The following DPP10 variants were observed in gnomAD, a reference collection of about 807,000 sequenced individuals.
DPP10 encodes dipeptidyl peptidase like 10.
A neutral mutation model predicts 120.9 loss-of-function variants in DPP10; 33 were observed. The ratio of observed to expected loss-of-function variants is 0.27; its 90% CI spans 0.21 to 0.37. The LOEUF is 0.37. DPP10 is among the 10% of genes least tolerant of loss of function. DPP10 has a pLI of 1.00. For missense variants in DPP10, 816 were observed against 942.8 expected, an observed-to-expected ratio of 0.87 and a Z score of 1.76; for synonymous variants, 337 against 326.1, an observed-to-expected ratio of 1.03 and a Z score of -0.36.
intron 3 of DPP10, among the ~76,000 whole-genome samples, chr2:115,378,956 C>G (rs973186953): frequency 2.3e-4 from 35 of 152,222 alleles, no homozygotes; most frequent in South Asian, 2.1e-3. Flanking sequence ...TGGTTTGCCA[C>G]TATTTTATTG....
intron 1 of DPP10, among the ~76,000 whole-genome samples, chr2:114,924,195 A>G (rs1050255217): frequency 1.5e-4 from 23 of 152,180 alleles, no homozygotes; most frequent in African/African-American, 5.3e-4. Context: ...TGGGCTCACC[A>G]TAAATCCATT....
intron 1 of DPP10, among the ~76,000 whole-genome samples, chr2:114,728,677 A>G (rs913511988): frequency 1.3e-5 from 2 of 152,200 alleles, no homozygotes; most frequent in African/African-American, 4.8e-5. Flanking sequence ...TCTACAGGGT[A>G]AAATTACAGA....
At chr2:115,162,088 G>C (rs1450454988) in intron 1 of DPP10, 1 of 1,492,792 alleles carries the variant, frequency 6.7e-7, no homozygotes, top group Non-Finnish European at 8.9e-7. Context: ...TGCGCGCTCC[G>C]CCCGCCTCCC....
intron 1 of DPP10, among the ~76,000 whole-genome samples, chr2:114,621,784 A>T (rs938835824): frequency 6.6e-6 from 1 of 151,648 alleles, no homozygotes; most frequent in Non-Finnish European, 1.5e-5. Context: ...TTAGTTAACC[A>T]TTCCAATATT....
chr2:114,636,457 C>T (rs984420849), intron 1 of DPP10, among the ~76,000 whole-genome samples: 12 of 151,868 alleles, frequency 7.9e-5, no homozygotes, highest in Non-Finnish European at 1.8e-4. Flanking sequence ...GCAGTTCTAC[C>T]CAAAATTCCT....
intron 1 of DPP10, among the ~76,000 whole-genome samples, chr2:114,775,320 C>G (rs1048471842): frequency 6.6e-6 from 1 of 152,124 alleles, no homozygotes; most frequent in African/African-American, 2.4e-5. Flanking sequence ...TTATACTACT[C>G]AAGTTGATAT....
At chr2:115,072,418 A>G (rs1707442047) in intron 1 of DPP10, among the ~76,000 whole-genome samples, 1 of 151,688 alleles carries the variant, frequency 6.6e-6, no homozygotes, top group Non-Finnish European at 1.5e-5. Flanking sequence ...TGTAGATGTG[A>G]GTACAGCAGC....
chr2:115,198,836 T>A (rs759717280), intron 1 of DPP10, among the ~76,000 whole-genome samples: 12 of 152,172 alleles, frequency 7.9e-5, no homozygotes, highest in Non-Finnish European at 1.6e-4. Context: ...GGAAAGCCTC[T>A]TCCAAATGAG....
intron 1 of DPP10, among the ~76,000 whole-genome samples, chr2:115,114,994 CA>C (rs1419892863): frequency 1.3e-5 from 2 of 151,854 alleles, no homozygotes; most frequent in African/African-American, 4.8e-5. Flanking sequence ...TACCTGTTCA[CA>C]AAGTGAACAG....
chr2:115,381,599 A>G (rs905219836), intron 3 of DPP10, among the ~76,000 whole-genome samples: 2 of 152,192 alleles, frequency 1.3e-5, no homozygotes, highest in South Asian at 2.1e-4. Flanking sequence ...CTGGTGAGGA[A>G]CTGCGTTCCT....
At chr2:114,461,466 T>C (rs1678912553) in intron 1 of DPP10, 1 of 590,086 alleles carries the variant, frequency 1.7e-6, no homozygotes, top group Non-Finnish European at 2.1e-6. Context: ...CAAGGTTGCC[T>C]TTACTTAGGA....
chr2:115,297,289 A>G, intron 1 of DPP10: 1 of 404,492 alleles, frequency 2.5e-6, no homozygotes, highest in Non-Finnish European at 5.0e-6. Flanking sequence ...GCCTTATCTT[A>G]AATCATAAAA....
intron 1 of DPP10, among the ~76,000 whole-genome samples, chr2:114,501,311 G>C (rs539077175): frequency 6.6e-6 from 1 of 152,154 alleles, no homozygotes; most frequent in Admixed American, 6.5e-5. Flanking sequence ...TGTCCAAGTA[G>C]CAATGGTGAG....
intron 1 of DPP10, among the ~76,000 whole-genome samples, chr2:114,469,365 G>T (rs78441155): frequency 7.6e-4 from 115 of 152,286 alleles, no homozygotes; most frequent in African/African-American, 2.7e-3. Context: ...ATTTTTTATT[G>T]TCTAGGTTTT....
intron 3 of DPP10, among the ~76,000 whole-genome samples, chr2:115,410,025 T>C (rs1021740761): frequency 1.3e-5 from 2 of 152,214 alleles, no homozygotes; most frequent in Non-Finnish European, 2.9e-5. Context: ...CTTCAATTCA[T>C]CTTGAGTTAA....
At chr2:114,544,937 C>T (rs11890210) in intron 1 of DPP10, among the ~76,000 whole-genome samples, 4,648 of 152,016 alleles carry the variant, frequency 0.031, 191 homozygotes, top group African/African-American at 0.099. Flanking sequence ...CTGCAACCTC[C>T]GCCTTCTGGG....
intron 1 of DPP10, among the ~76,000 whole-genome samples, chr2:114,464,588 A>C (rs188095961): frequency 5.9e-5 from 9 of 152,300 alleles, no homozygotes; most frequent in Non-Finnish European, 1.2e-4. Context: ...CACAGAACAA[A>C]GGTTTTTAAT....
intron 1 of DPP10, among the ~76,000 whole-genome samples, chr2:115,110,463 A>G (rs1253412661): frequency 6.6e-6 from 1 of 152,218 alleles, no homozygotes; most frequent in East Asian, 1.9e-4. Context: ...TTAGCAGTGT[A>G]TGAAAGCACT....
At chr2:115,381,537 CCTT>C (rs2066356113) in intron 3 of DPP10, among the ~76,000 whole-genome samples, 1 of 152,174 alleles carries the variant, frequency 6.6e-6, no homozygotes, top group South Asian at 2.1e-4. Flanking sequence ...TCGTCTGAAG[CCTT>C]CTTCTCTCAG....
Sources: gnomAD v4.1 joint callset for allele counts (sites outside exome capture counted in the v4.1 genomes callset) on GRCh38, gnomAD v4.1.1 for gene constraint, MANE v1.5 for transcripts, NCBI Gene and HGNC (gene_info 2026-07-23, HGNC 2026-07-21) for gene names.